The following NDUFAF7 variants were observed in gnomAD, a reference collection of about 807,000 sequenced individuals.
The protein encoded by NDUFAF7 is NADH:ubiquinone oxidoreductase complex assembly factor 7, also known as protein arginine methyltransferase NDUFAF7, mitochondrial.
In NDUFAF7, 48 loss-of-function variants were observed where a neutral mutation model predicts 47.2. The observed-to-expected ratio is 1.02, with a 90% CI of 0.81 to 1.29. The LOEUF (loss-of-function observed/expected upper bound fraction) is 1.29. Among genes scored for constraint, NDUFAF7 ranks in the 50% most tolerant of loss-of-function variants. The probability of loss-of-function intolerance (pLI) is 0.00; values close to 1 mark genes in which losing one functional copy is unlikely to be tolerated. For synonymous variants in NDUFAF7, 217 were observed against 190.0 expected (o/e 1.14, Z -1.17); for missense variants, 635 against 537.6 (o/e 1.18, Z -1.79).
chr2:37,247,762 T>A, intron 9 of NDUFAF7, 133 bp downstream of exon 9: 3 of 1,099,978 alleles, frequency 2.7e-6, no homozygotes, highest in Non-Finnish European at 4.0e-6. Flanking sequence ...TTTCAGGTAG[T>A]ATAGGATTTA....
chr2:37,270,749 C>A, the NDUFAF7 span, among the ~76,000 whole-genome samples: 2 of 152,100 alleles, frequency 1.3e-5, no homozygotes, highest in Non-Finnish European at 2.9e-5. Context: ...TATAAGCCTC[C>A]CCACTTTAAT....
chr2:37,267,583 T>TGA, the NDUFAF7 span: 1 of 1,339,970 alleles, frequency 7.5e-7, no homozygotes, highest in East Asian at 2.3e-5. Context: ...ACTGACAGCT[T>TGA]TATTAGGGAG....
downstream of NDUFAF7, among the ~76,000 whole-genome samples, chr2:37,258,073 A>G (rs989664748): frequency 6.6e-6 from 1 of 152,216 alleles, no homozygotes; most frequent in African/African-American, 2.4e-5. Context: ...ATGCTGAACA[A>G]GCAAATGCCA....
downstream of NDUFAF7, among the ~76,000 whole-genome samples, chr2:37,256,397 G>A (rs986451622): frequency 4.0e-4 from 61 of 152,154 alleles, no homozygotes; most frequent in Non-Finnish European, 8.8e-5. Context: ...AGGTAAGACA[G>A]TTAAAAAGAT....
At chr2:37,238,002 A>G in intron 4 of NDUFAF7, 135 bp downstream of exon 4, 1 of 723,780 alleles carries the variant, frequency 1.4e-6, no homozygotes, top group East Asian at 2.7e-5. Flanking sequence ...TGTCAGAATA[A>G]TGTAATCAGT....
downstream of NDUFAF7, among the ~76,000 whole-genome samples, chr2:37,254,480 T>A (rs1194276135): frequency 1.3e-5 from 2 of 152,158 alleles, no homozygotes; most frequent in African/African-American, 4.8e-5. Context: ...ATCTGTCAAA[T>A]TTTCATTGCC....
chr2:37,251,372 C>CTGTT (rs561626128), downstream of NDUFAF7: 4 of 152,642 alleles, frequency 2.6e-5, no homozygotes, highest in Non-Finnish European at 4.4e-5. Flanking sequence ...ATACTACTAA[C>CTGTT]TGTTTGAAAT....
In NDUFAF7 at chr2:37,237,755, A is replaced by G. The variant is rs768889810; in HGVS notation, c.298-2A>G. On this transcript the variant is annotated splice_acceptor_variant, in intron 3 of 9. Coordinates refer to ENST00000002125, the MANE Select transcript of NDUFAF7 (RefSeq NM_144736.5). LOFTEE classifies it high-confidence loss of function. ...ATGTGTTTTTTTTTTCCCTTTTCAC[A>G]GCTACTAGGTATATGGTTCATTAGT... 30 of 1,581,884 alleles carry G rather than the reference A, an allele frequency of 1.9e-5. No individual in the cohort carries two copies. The highest frequency in any genetic ancestry group is 2.5e-5 in the Non-Finnish European group (29 of 1,151,272).
downstream of NDUFAF7, chr2:37,256,969 T>A: frequency 6.2e-7 from 1 of 1,604,168 alleles, no homozygotes; most frequent in Non-Finnish European, 8.5e-7. Context: ...TATTATAGTG[T>A]TATATATGTA....
chr2:37,240,838 C>T (rs1421708686), intron 4 of NDUFAF7, among the ~76,000 whole-genome samples: 1 of 152,092 alleles, frequency 6.6e-6, no homozygotes, highest in East Asian at 1.9e-4. Flanking sequence ...GAAGGAATTT[C>T]TCCTGGGAAG....
chr2:37,269,739 C>T, the NDUFAF7 span: 1 of 1,282,906 alleles, frequency 7.8e-7, no homozygotes, highest in Non-Finnish European at 1.1e-6. Flanking sequence ...AATACAATGT[C>T]AACATCTCTG....
intron 6 of NDUFAF7, among the ~76,000 whole-genome samples, chr2:37,243,190 C>T (rs1057208312): frequency 6.6e-6 from 1 of 152,098 alleles, no homozygotes; most frequent in South Asian, 2.1e-4. Flanking sequence ...GTGGCTTACA[C>T]CTGTAATCTC....
At chr2:37,237,734 G>A (rs1665941668) in intron 3 of NDUFAF7, 23 bp from the exon 4 acceptor site, 4 of 1,305,286 alleles carry the variant, frequency 3.1e-6, no homozygotes, top group Admixed American at 1.9e-5. Context: ...TTTAATATGT[G>A]TTTTTTTTTT....
chr2:37,269,630 C>G, the NDUFAF7 span: 1 of 1,612,590 alleles, frequency 6.2e-7, no homozygotes. Flanking sequence ...TAAACGATGC[C>G]AAACTGGCCT....
chr2:37,260,993 C>G, the NDUFAF7 span, among the ~76,000 whole-genome samples: 3 of 152,180 alleles, frequency 2.0e-5, no homozygotes, highest in African/African-American at 7.2e-5. Flanking sequence ...TGTTCTACTA[C>G]AGAAAATCCT....
chr2:37,231,861 G>A (rs1665170150), intron 1 of NDUFAF7, 101 bp downstream of exon 1: 2 of 1,586,292 alleles, frequency 1.3e-6, no homozygotes, highest in South Asian at 1.1e-5. Context: ...GGGCTCGGGG[G>A]CTCACTTCCA....
chr2:37,257,595 G>A (rs377335094), downstream of NDUFAF7, among the ~76,000 whole-genome samples: 19 of 145,494 alleles, frequency 1.3e-4, no homozygotes, highest in African/African-American at 4.8e-4. Flanking sequence ...GAACCCAGGA[G>A]GCAGAGCTTG....
At chr2:37,243,086 C>T in intron 6 of NDUFAF7, among the ~76,000 whole-genome samples, 1 of 152,150 alleles carries the variant, frequency 6.6e-6, no homozygotes, top group East Asian at 1.9e-4. Flanking sequence ...CTCAGCATCC[C>T]AAGGAGCTGG....
intron 2 of NDUFAF7, among the ~76,000 whole-genome samples, chr2:37,232,562 G>T (rs1161606883): frequency 1.3e-5 from 2 of 152,210 alleles, no homozygotes; most frequent in African/African-American, 4.8e-5. Flanking sequence ...ATGGTGGGTG[G>T]TGTGGATTCA....
Sources: gnomAD v4.1 joint callset for allele counts (sites outside exome capture counted in the v4.1 genomes callset) on GRCh38, gnomAD v4.1.1 for gene constraint, MANE v1.5 for transcripts, NCBI Gene and HGNC (gene_info 2026-07-23, HGNC 2026-07-21) for gene names.